SDK1: variants seen among roughly 807,000 people sequenced by gnomAD.
SDK1 encodes the protein sidekick cell adhesion molecule 1, also known as protein sidekick-1.
A neutral mutation model predicts 245.5 loss-of-function variants in SDK1; 157 were observed. That is an observed-to-expected ratio of 0.64 (90% CI 0.56 to 0.73). The LOEUF is 0.73. Among genes scored for constraint, SDK1 ranks in the 30% least tolerant of loss-of-function variants. The pLI is 0.00. For missense variants in SDK1, 3,583 were observed against 3,002.3 expected (o/e 1.19, Z -4.52); for synonymous variants, 1,647 against 1,278.5 (o/e 1.29, Z -6.15).
rs754618289 is a variant in SDK1 at position 3,642,121 on chromosome 7, C to T, written c.713+16C>T. ...GCAACAGAATGTAAGTTGCTCCAAA[C>T]GTTAAAGCTTCAAATACAATTGTAA... On this transcript the variant is annotated intron_variant, in intron 4 of 44. Transcript: ENST00000404826. 9.3e-6 allele frequency: 15 copies of T among 1,612,642 alleles called. No homozygotes were observed. The highest frequency in any genetic ancestry group is 1.7e-5 in the Admixed American group (1 of 59,954).
chr7:3,394,578 G>C (rs964197679), intron 1 of SDK1, among the ~76,000 whole-genome samples: 35 of 151,722 alleles, frequency 2.3e-4, no homozygotes, highest in African/African-American at 8.5e-4. Context: ...GAATTTGATA[G>C]GGATTATTTT....
chr7:3,384,935 C>A (rs1412766522), intron 1 of SDK1, among the ~76,000 whole-genome samples: 3 of 152,184 alleles, frequency 2.0e-5, no homozygotes, highest in Non-Finnish European at 4.4e-5. Context: ...CAGTCTGTGG[C>A]ATACGCCCTG....
chr7:3,627,535 A>T (rs186341550), intron 2 of SDK1, among the ~76,000 whole-genome samples: 1 of 152,186 alleles, frequency 6.6e-6, no homozygotes, highest in East Asian at 1.9e-4. Context: ...AGAAAGGTCA[A>T]ATATAAGCAT....
At chr7:3,768,005 T>G (rs1224207031) in intron 4 of SDK1, among the ~76,000 whole-genome samples, 2 of 152,194 alleles carry the variant, frequency 1.3e-5, no homozygotes, top group Non-Finnish European at 2.9e-5. Flanking sequence ...GTTACTTTCA[T>G]CCCTGTTCAC....
At chr7:3,385,296 G>T (rs1781583321) in intron 1 of SDK1, among the ~76,000 whole-genome samples, 1 of 152,088 alleles carries the variant, frequency 6.6e-6, no homozygotes, top group African/African-American at 2.4e-5. Context: ...GGTACGCTGT[G>T]AATGTATTAT....
At chr7:3,693,115 CAT>C (rs1223229549) in intron 4 of SDK1, among the ~76,000 whole-genome samples, 3 of 151,814 alleles carry the variant, frequency 2.0e-5, no homozygotes, top group Non-Finnish European at 2.9e-5. Flanking sequence ...ATAGTGTAGA[CAT>C]ATTTCTTAAC....
At chr7:3,625,639 C>T (rs1187184857) in intron 2 of SDK1, among the ~76,000 whole-genome samples, 1 of 152,132 alleles carries the variant, frequency 6.6e-6, no homozygotes, top group Non-Finnish European at 1.5e-5. Flanking sequence ...TCAGAAGTGC[C>T]CACTCTAATG....
intron 1 of SDK1, among the ~76,000 whole-genome samples, chr7:3,471,593 A>C (rs1038837236): frequency 6.6e-6 from 1 of 152,126 alleles, no homozygotes; most frequent in African/African-American, 2.4e-5. Context: ...TATTTACACT[A>C]TGTTTTCAGT....
Position 3,848,733 on chromosome 7 carries a change from G to A in SDK1, c.847+27150G>A, listed in dbSNP as rs147509030. On this transcript the variant is annotated intron_variant, in intron 5 of 44. Transcript: ENST00000404826. ...GTCACTCAGGCTGGAGTGCAGTGGCGCGATCACGGCTCACTGCAACCTCCG... is the reference window on the plus strand; with the variant it reads ...GTCACTCAGGCTGGAGTGCAGTGGCACGATCACGGCTCACTGCAACCTCCG... Among the ~76,000 whole-genome samples, 435 of 151,722 alleles carry A rather than the reference G, an allele frequency of 2.9e-3. 13 individuals carry two copies. In the East Asian group the frequency reaches 0.072, roughly 25 times the overall value.
intron 4 of SDK1, among the ~76,000 whole-genome samples, chr7:3,653,343 T>C (rs7810317): frequency 0.63 from 95,202 of 151,922 alleles, 30,302 homozygotes; most frequent in South Asian, 0.77. Context: ...AAAACTCGGT[T>C]GTCACTTGGG....
At chr7:3,627,789 C>T (rs1273508322) in intron 2 of SDK1, among the ~76,000 whole-genome samples, 4 of 152,148 alleles carry the variant, frequency 2.6e-5, no homozygotes, top group Middle Eastern at 3.2e-3. Context: ...TTCAACTGAT[C>T]GATGAGTGCC....
intron 5 of SDK1, among the ~76,000 whole-genome samples, chr7:3,847,657 AG>A (rs1368562136): frequency 6.6e-6 from 1 of 152,246 alleles, no homozygotes; most frequent in Non-Finnish European, 1.5e-5. Context: ...TTTATCCTAA[AG>A]GAATTTTTGA....
chr7:3,908,426 A>T (rs986476558), intron 5 of SDK1, among the ~76,000 whole-genome samples: 3 of 152,042 alleles, frequency 2.0e-5, no homozygotes, highest in African/African-American at 7.3e-5. Flanking sequence ...CCCTTCATAC[A>T]CGGCTGGCCA....
rs537470977 is a variant in SDK1, at chr7:4,107,726, G to A, written c.3325-2937G>A. Among the ~76,000 whole-genome samples, 15 of 152,160 alleles carry A rather than the reference G, an allele frequency of 9.9e-5. No homozygotes were observed. The South Asian group carries it at 1.2e-3, about 13-fold the overall frequency. ...ACTCCCCAGTATCTGGTCCCAGCCC[G>A]CCTACGACCCCCATCTCCTCCCCTG... On this transcript the variant is annotated intron_variant, in intron 22 of 44. Coordinates refer to ENST00000404826, the MANE Select transcript of SDK1 (RefSeq NM_152744.4).
chr7:4,092,048 A>C (rs985665162), intron 22 of SDK1, among the ~76,000 whole-genome samples: 4 of 152,172 alleles, frequency 2.6e-5, no homozygotes, highest in African/African-American at 9.7e-5. Flanking sequence ...CTTTGGGATC[A>C]CAGCGACAGG....
chr7:3,653,456 G>C (rs985170963), intron 4 of SDK1, among the ~76,000 whole-genome samples: 2 of 152,162 alleles, frequency 1.3e-5, no homozygotes, highest in Non-Finnish European at 2.9e-5. Flanking sequence ...GGGCAGATCA[G>C]TGGTGGTGAG....
chr7:3,576,624 A>G (rs1390937905), intron 1 of SDK1, among the ~76,000 whole-genome samples: 1 of 151,896 alleles, frequency 6.6e-6, no homozygotes, highest in African/African-American at 2.4e-5. Flanking sequence ...AAGTCATAAT[A>G]TATTCTGTCA....
In SDK1 at chr7:4,175,952, C is replaced by T. The variant is rs1026661935; in HGVS notation, c.4996+118C>T. 71 of 839,234 alleles carry T rather than the reference C, an allele frequency of 8.5e-5. No homozygotes were observed. In the African/African-American group the frequency reaches 1.0e-3, roughly 12 times the overall value. 52.0% of individuals were successfully genotyped at this position (839,234 alleles called of 1,614,324 possible). On this transcript the variant is annotated intron_variant, in intron 34 of 44. Transcript: ENST00000404826. ...GGATTAATGGCTCCAGTTCTGGAAT[C>T]GCCTCTCAAACGCTGCGTCTCCACA...
intron 17 of SDK1, among the ~76,000 whole-genome samples, chr7:4,037,571 G>A (rs997597653): frequency 1.3e-5 from 2 of 152,138 alleles, no homozygotes; most frequent in Admixed American, 6.5e-5. Context: ...AGTGGGCCAT[G>A]ATTGAAACAT....
Sources: allele counts gnomAD v4.1 joint callset (sites outside exome capture counted in the v4.1 genomes callset), GRCh38; gene constraint gnomAD v4.1.1; transcripts MANE v1.5; gene names NCBI Gene and HGNC (gene_info 2026-07-23, HGNC 2026-07-21).